CPB2: variants seen among roughly 807,000 people sequenced by gnomAD.
CPB2 encodes carboxypeptidase B2.
Under a neutral mutation model 57.0 loss-of-function variants are expected in CPB2, and 54 were observed. The ratio of observed to expected loss-of-function variants is 0.95; its 90% CI spans 0.76 to 1.19. CPB2 has a LOEUF of 1.19. Among genes scored for constraint, CPB2 ranks in the 50% most tolerant of loss-of-function variants. The probability of loss-of-function intolerance (pLI) is 0.00; values close to 1 mark genes in which losing one functional copy is unlikely to be tolerated. For missense variants in CPB2, 426 were observed against 512.0 expected (o/e 0.83, Z 1.62); for synonymous variants, 189 against 178.1 (o/e 1.06, Z -0.49).
intron 4 of CPB2, among the ~76,000 whole-genome samples, chr13:46,080,105 C>T (rs1260148610): frequency 6.6e-6 from 1 of 152,238 alleles, no homozygotes; most frequent in African/African-American, 2.4e-5. Context: ...GGCAGTTTAA[C>T]CGACAGACTT....
intron 1 of CPB2, among the ~76,000 whole-genome samples, chr13:46,103,670 T>G (rs2045462558): frequency 6.6e-6 from 1 of 152,214 alleles, no homozygotes; most frequent in Non-Finnish European, 1.5e-5. Context: ...AGGCACTAAA[T>G]AAGCAGAGGT....
At chr13:46,074,215 T>C (rs1316500142) in intron 5 of CPB2, among the ~76,000 whole-genome samples, 1 of 137,822 alleles carries the variant, frequency 7.3e-6, no homozygotes, top group East Asian at 2.0e-4. Flanking sequence ...GACTCTTTGA[T>C]TTAAAACTGT....
chr13:46,059,577 TATCATCATCATCATCATCATC>T (rs10571812), intron 8 of CPB2, among the ~76,000 whole-genome samples: 4 of 150,140 alleles, frequency 2.7e-5, no homozygotes, highest in East Asian at 2.0e-4. Context: ...TGTTGCTGTT[TATCATCATCATCATCATCATC>T]ATCATCATCA....
At chr13:46,072,361 T>G (rs542644454) in intron 6 of CPB2, among the ~76,000 whole-genome samples, 1 of 152,304 alleles carries the variant, frequency 6.6e-6, no homozygotes, top group African/African-American at 2.4e-5. Flanking sequence ...CCTCCTCCAG[T>G]GCTTTGAAGT....
chr13:46,090,891 A>AT (rs2045283657), intron 1 of CPB2, among the ~76,000 whole-genome samples: 1 of 149,744 alleles, frequency 6.7e-6, no homozygotes, highest in African/African-American at 2.5e-5. Context: ...CACCTGGCTA[A>AT]TTTTTTGTAT....
intron 1 of CPB2, among the ~76,000 whole-genome samples, chr13:46,095,971 C>T (rs1262406783): frequency 1.3e-5 from 2 of 149,266 alleles, no homozygotes; most frequent in African/African-American, 5.0e-5. Flanking sequence ...AATTCTGCCT[C>T]GTGGGTTCAA....
At chr13:46,084,860 A>AT (rs201807996) in intron 2 of CPB2, among the ~76,000 whole-genome samples, 2,728 of 141,756 alleles carry the variant, frequency 0.019, 71 homozygotes, top group African/African-American at 0.064. Context: ...TTTATTTTTT[A>AT]TTTTTTTTTT....
At chr13:46,091,302 T>C (rs2045289494) in intron 1 of CPB2, among the ~76,000 whole-genome samples, 1 of 152,228 alleles carries the variant, frequency 6.6e-6, no homozygotes, top group Non-Finnish European at 1.5e-5. Flanking sequence ...ATGTACTTAA[T>C]GTACTTTTAA....
chr13:46,069,480 A>G (rs1376376346), intron 6 of CPB2, among the ~76,000 whole-genome samples: 1 of 152,122 alleles, frequency 6.6e-6, no homozygotes, highest in Non-Finnish European at 1.5e-5. Flanking sequence ...TATGCCCATT[A>G]TAACTCACTC....
chr13:46,087,157 C>T (rs1323766888), intron 2 of CPB2, among the ~76,000 whole-genome samples: 6 of 152,104 alleles, frequency 3.9e-5, no homozygotes, highest in South Asian at 2.1e-4. Context: ...GTAGCTGCAG[C>T]GGGCAGCTGC....
intron 1 of CPB2, among the ~76,000 whole-genome samples, chr13:46,088,949 T>C (rs1489549802): frequency 1.3e-5 from 2 of 151,942 alleles, no homozygotes; most frequent in Non-Finnish European, 2.9e-5. Flanking sequence ...TCTAGCAGTT[T>C]GTAATTTGTC....
At chr13:46,055,569 G>C (rs899406118) in intron 10 of CPB2, among the ~76,000 whole-genome samples, 193 bp downstream of exon 10, 4 of 152,046 alleles carry the variant, frequency 2.6e-5, no homozygotes, top group Non-Finnish European at 5.9e-5. Flanking sequence ...CTTCTTTTTA[G>C]TAACTCATTT....
chr13:46,102,246 T>C (rs1593925232), intron 1 of CPB2, among the ~76,000 whole-genome samples: 1 of 152,216 alleles, frequency 6.6e-6, no homozygotes, highest in Non-Finnish European at 1.5e-5. Context: ...TTCCAAATAG[T>C]CTGGGCTGGC....
In CPB2 at chr13:46,087,756, T is replaced by C; in HGVS notation, c.139A>G (p.Thr47Ala). 4 of 1,607,864 alleles carry C rather than the reference T, an allele frequency of 2.5e-6. No individual in the cohort carries two copies. Among genetic ancestry groups the C allele is most frequent in the South Asian group, 1.1e-5 (1 of 90,614 alleles). Residue 47 changes from threonine (T) to alanine (A), a missense_variant, in exon 2 of 11, where the codon ACA (threonine) becomes GCA (alanine). Physicochemically the swap from Thr to Ala is moderately conservative, Grantham distance 58. Coordinates refer to ENST00000181383, the MANE Select transcript of CPB2 (RefSeq NM_001872.5). ...RQVQVLQNLT[T>A]TYEIVLWQPV... ...TAGGGAGAAATTACCTCATATGTTGTAGTAAGATTCTGTAGAACTTGAACT... is the reference window on the plus strand; with the variant it reads ...TAGGGAGAAATTACCTCATATGTTGCAGTAAGATTCTGTAGAACTTGAACT...
intron 1 of CPB2, among the ~76,000 whole-genome samples, chr13:46,093,306 C>G (rs1054627334): frequency 2.0e-5 from 3 of 152,096 alleles, no homozygotes; most frequent in Admixed American, 2.0e-4. Flanking sequence ...GAGAGACTTG[C>G]TTATTAGAAG....
At chr13:46,057,381 A>G (rs917836320) in intron 9 of CPB2, among the ~76,000 whole-genome samples, 2 of 152,200 alleles carry the variant, frequency 1.3e-5, no homozygotes, top group Non-Finnish European at 2.9e-5. Flanking sequence ...TAATGTGACT[A>G]TATTTTATTC....
At chr13:46,055,622 C>G in intron 10 of CPB2, 140 bp downstream of exon 10, 1 of 448,728 alleles carries the variant, frequency 2.2e-6, no homozygotes. Flanking sequence ...TATTATGCTT[C>G]TGTTCCTAAT....
chr13:46,058,250 G>A lies in CPB2; in HGVS notation c.928C>T (p.His310Tyr), dbSNP rs1415473298. The change falls in exon 9 of 11, where the codon CAT (histidine) becomes TAT (tyrosine). Residue 310 changes from histidine (H) to tyrosine (Y), a missense_variant. Physicochemically the swap from His to Tyr is moderately conservative, Grantham distance 83 (BLOSUM62 2). Transcript: ENST00000181383. The stretch of plus-strand genomic sequence containing the variant: ...AACACTATATGCTGGGAGTATGAAT[G>A]CATGCTGATGTATGCTTTAATCTGG... ...INQIKAYISM[H>Y]SYSQHIVFPY... 6.2e-7 allele frequency: 1 copy of A among 1,614,058 alleles called. No individual in the cohort carries two copies. The highest frequency in any genetic ancestry group is 1.7e-5 in the Admixed American group (1 of 60,018).
intron 7 of CPB2, 120 bp from the exon 8 acceptor site, chr13:46,064,861 G>C: frequency 1.4e-6 from 1 of 712,774 alleles, no homozygotes; most frequent in Non-Finnish European, 2.5e-6. Flanking sequence ...CCCATACCTT[G>C]CATGGCTTCA....
Sources: gnomAD v4.1 joint callset for allele counts (sites outside exome capture counted in the v4.1 genomes callset) on GRCh38, gnomAD v4.1.1 for gene constraint, MANE v1.5 for transcripts, NCBI Gene and HGNC (gene_info 2026-07-23, HGNC 2026-07-21) for gene names.